Variants in SNX29 observed in about 807,000 individuals in gnomAD.
SNX29 encodes sorting nexin-29.
In SNX29, 78 loss-of-function variants were observed where a neutral mutation model predicts 102.1. The observed-to-expected ratio is 0.76, with a 90% CI of 0.64 to 0.92. The LOEUF is 0.92. SNX29 is among the 40% of genes least tolerant of loss of function. The pLI is 0.00. For synonymous variants in SNX29, 580 were observed against 414.5 expected (o/e 1.40, Z -4.85); for missense variants, 1,280 against 1,061.7 (o/e 1.21, Z -2.86).
intron 18 of SNX29, among the ~76,000 whole-genome samples, chr16:12,421,764 C>T (rs116606449): frequency 0.012 from 1,769 of 152,202 alleles, 38 homozygotes; most frequent in African/African-American, 0.04. Flanking sequence ...TCATCATCAC[C>T]ATCATTACCA....
chr16:12,061,500 G>T, intron 8 of SNX29, 28 bp from the exon 9 acceptor site: 1 of 1,555,310 alleles, frequency 6.4e-7, no homozygotes. Context: ...TCTTTGGCCT[G>T]TCCTGCAGCT....
At position 12,556,885 on chromosome 16, in the gene SNX29, G is replaced by A. The variant is rs549014724; in HGVS notation, c.2319-11621G>A. 3.8e-4 allele frequency among the ~76,000 whole-genome samples: 57 copies of A among 151,812 alleles called. 1 individual carries two copies. In the Middle Eastern group the frequency reaches 0.01, roughly 27 times the overall value. Reference sequence around the variant, plus strand: ...TTTTTTTTTTTGAGATAGGGTCTCCGTCTGTCTCCTCACCTTGAGTGTAGT... The same window carrying A: ...TTTTTTTTTTTGAGATAGGGTCTCCATCTGTCTCCTCACCTTGAGTGTAGT... On this transcript the variant is annotated intron_variant, in intron 20 of 20. Transcript: ENST00000566228.
chr16:12,473,922 G>C (rs1384470918), intron 18 of SNX29, among the ~76,000 whole-genome samples: 5 of 152,222 alleles, frequency 3.3e-5, no homozygotes, highest in African/African-American at 4.8e-5. Context: ...TGGGCAACCA[G>C]CAGCTCTCGG....
At chr16:12,525,758 G>A (rs1043846442) in intron 20 of SNX29, among the ~76,000 whole-genome samples, 2 of 133,822 alleles carry the variant, frequency 1.5e-5, no homozygotes, top group South Asian at 2.2e-4. Flanking sequence ...TTAACCCAAC[G>A]GATGCTGCTG....
chr16:12,331,191 A>G (rs1042123304), intron 15 of SNX29, among the ~76,000 whole-genome samples: 2 of 152,068 alleles, frequency 1.3e-5, no homozygotes, highest in African/African-American at 4.8e-5. Flanking sequence ...GCTGAGCCCA[A>G]CTTTCCAGGC....
At chr16:12,162,138 G>C (rs1456185754) in intron 13 of SNX29, among the ~76,000 whole-genome samples, 1 of 152,064 alleles carries the variant, frequency 6.6e-6, no homozygotes, top group African/African-American at 2.4e-5. Context: ...TGTTCCAACT[G>C]GATGGCTTTG....
chr16:12,422,202 A>T (rs543588593), intron 18 of SNX29, among the ~76,000 whole-genome samples: 1 of 152,270 alleles, frequency 6.6e-6, no homozygotes, highest in South Asian at 2.1e-4. Context: ...TTCCTCTGCC[A>T]CTCAATGGCT....
rs141507930 is a variant in SNX29 at position 12,221,737 on chromosome 16, C to T, written c.1678+22054C>T. 5.7e-4 allele frequency among the ~76,000 whole-genome samples: 87 copies of T among 152,306 alleles called. 1 individual carries two copies. In the East Asian group the frequency reaches 0.011, roughly 19 times the overall value. Reference sequence around the variant, plus strand: ...GGGAAGGGAAGGACTGAACATCCGTCGCATTTGCTGGAAAATTGTGGCGCC... The same window carrying T: ...GGGAAGGGAAGGACTGAACATCCGTTGCATTTGCTGGAAAATTGTGGCGCC... On this transcript the variant is annotated intron_variant, in intron 14 of 20. Transcript: ENST00000566228.
At chr16:12,120,448 G>T (rs911793132) in intron 11 of SNX29, among the ~76,000 whole-genome samples, 4 of 152,252 alleles carry the variant, frequency 2.6e-5, no homozygotes, top group Admixed American at 1.3e-4. Context: ...ACGTCACCCT[G>T]TCTAGTCATC....
chr16:12,049,954 C>G (rs2050238015), intron 7 of SNX29, among the ~76,000 whole-genome samples: 1 of 152,160 alleles, frequency 6.6e-6, no homozygotes, highest in Non-Finnish European at 1.5e-5. Flanking sequence ...TTAGTATTCT[C>G]AAATCTCTGA....
intron 5 of SNX29, among the ~76,000 whole-genome samples, chr16:12,043,431 T>G (rs567128162): frequency 1.1e-4 from 16 of 152,142 alleles, no homozygotes; most frequent in South Asian, 6.2e-4. Flanking sequence ...CATGGGTCTT[T>G]GCAGCCTGGA....
At chr16:12,358,921 C>G (rs1398566241) in intron 16 of SNX29, among the ~76,000 whole-genome samples, 3 of 152,256 alleles carry the variant, frequency 2.0e-5, no homozygotes, top group Non-Finnish European at 4.4e-5. Flanking sequence ...ATACCTTGGC[C>G]TGTGCATGTC....
At chr16:12,524,912 C>T (rs2076737409) in intron 20 of SNX29, 71 bp downstream of exon 20, 3 of 1,579,966 alleles carry the variant, frequency 1.9e-6, no homozygotes, top group South Asian at 1.2e-5. Flanking sequence ...TTTGGAAGGT[C>T]AGGGAGCACA....
chr16:12,194,020 A>G (rs190525586), intron 13 of SNX29, among the ~76,000 whole-genome samples: 1 of 152,320 alleles, frequency 6.6e-6, no homozygotes. Context: ...GTCTATATCT[A>G]TAAGAAATCC....
chr16:12,219,170 T>G (rs1400025942), intron 14 of SNX29, among the ~76,000 whole-genome samples: 1 of 152,192 alleles, frequency 6.6e-6, no homozygotes, highest in East Asian at 1.9e-4. Context: ...GAAGTGCTGT[T>G]GCTGATTCAA....
intron 1 of SNX29, among the ~76,000 whole-genome samples, chr16:11,993,559 T>G (rs985917555): frequency 2.0e-5 from 3 of 152,194 alleles, no homozygotes; most frequent in African/African-American, 7.2e-5. Context: ...AGGTGCACAA[T>G]ACAATTTCCC....
rs1416644251 is a variant in SNX29 at position 12,573,319 on chromosome 16, C to T, written c.*4690C>T. On this transcript the variant is annotated 3_prime_UTR_variant, in exon 21 of 21. Coordinates refer to ENST00000566228, the MANE Select transcript of SNX29 (RefSeq NM_032167.5). ...CCATCTTATGGGCCCGATTTGGGTA[C>T]TCTGAATTATGTCATGGAGTAGACA... 4 of 226,230 alleles carry T rather than the reference C, an allele frequency of 1.8e-5. No homozygotes were observed. Among genetic ancestry groups the T allele is most frequent in the African/African-American group, 4.5e-5 (2 of 44,938 alleles). 14.0% of individuals were successfully genotyped at this position (226,230 alleles called of 1,614,324 possible).
intron 3 of SNX29, among the ~76,000 whole-genome samples, chr16:12,013,503 ATATATAT>A (rs1567525934): frequency 0.017 from 976 of 56,554 alleles, 135 homozygotes; most frequent in Middle Eastern, 0.043. Flanking sequence ...AAAAAAAAAT[ATATATAT>A]ATATATATAT....
intron 11 of SNX29, among the ~76,000 whole-genome samples, chr16:12,106,299 A>G (rs1282620697): frequency 2.6e-5 from 4 of 151,680 alleles, no homozygotes; most frequent in Non-Finnish European, 4.4e-5. Context: ...CCTGAGCAAC[A>G]CTGGTTTAGA....
Sources: gnomAD v4.1 joint callset for allele counts (sites outside exome capture counted in the v4.1 genomes callset) on GRCh38, gnomAD v4.1.1 for gene constraint, MANE v1.5 for transcripts, NCBI Gene and HGNC (gene_info 2026-07-23, HGNC 2026-07-21) for gene names.